The following KCNT2 variants were observed in gnomAD, a reference collection of about 807,000 sequenced individuals.
KCNT2 encodes the protein potassium channel subfamily T member 2.
In KCNT2, 67 loss-of-function variants were observed where a neutral mutation model predicts 153.8. That is an observed-to-expected ratio of 0.44 (90% confidence interval 0.36 to 0.53). The LOEUF is 0.53. KCNT2 is among the 20% of genes least tolerant of loss of function. The pLI is 0.00. For missense variants in KCNT2, 975 were observed against 1,354.8 expected (o/e 0.72, Z 4.40); for synonymous variants, 500 against 458.8 (o/e 1.09, Z -1.15).
At chr1:196,334,366 C>A (rs1664783387) in intron 16 of KCNT2, among the ~76,000 whole-genome samples, 1 of 151,138 alleles carries the variant, frequency 6.6e-6, no homozygotes, top group South Asian at 2.1e-4. Flanking sequence ...AAAAGTATAC[C>A]CTGATGTTTC....
rs1653517729 is a variant in KCNT2 at position 196,226,730 on chromosome 1, A to T, written c.*1494T>A. On this transcript the variant is annotated 3_prime_UTR_variant, in exon 28 of 28. Transcript: ENST00000294725. ...ACATTAGAATATCTTTTCTTTAAAAATTTTATTATCCTTTAAGTTGATCTG... is the reference window on the plus strand; with the variant it reads ...ACATTAGAATATCTTTTCTTTAAAATTTTTATTATCCTTTAAGTTGATCTG... 1.3e-5 allele frequency: 2 copies of T among 152,110 alleles called. No individual in the cohort carries two copies. The highest frequency in any genetic ancestry group is 6.5e-5 in the Admixed American group (1 of 15,288). 9.4% of individuals were successfully genotyped at this position (152,110 alleles called of 1,614,324 possible).
chr1:196,345,525 T>G (rs934676247), intron 14 of KCNT2, among the ~76,000 whole-genome samples: 5 of 152,174 alleles, frequency 3.3e-5, no homozygotes, highest in Admixed American at 3.3e-4. Flanking sequence ...TATAAATAAC[T>G]GTACTATGGC....
Position 196,423,222 on chromosome 1 carries a change from G to C in KCNT2, c.1122-109C>G. 3 of 612,136 alleles carry C rather than the reference G, an allele frequency of 4.9e-6. No individual in the cohort carries two copies. The South Asian group carries it at 7.5e-5, about 15-fold the overall frequency. The allele number at this position is 612,136 out of a possible 1,614,324, so 37.9% of individuals were successfully genotyped here. On this transcript the variant is annotated intron_variant, in intron 11 of 27. Coordinates refer to ENST00000294725, the MANE Select transcript of KCNT2 (RefSeq NM_198503.5). ...ATATATTGCACAAAATGTACATGTAGACCATGTATATCCTTAAGCTTAAAT... is the reference window on the plus strand; with the variant it reads ...ATATATTGCACAAAATGTACATGTACACCATGTATATCCTTAAGCTTAAAT...
intron 25 of KCNT2, among the ~76,000 whole-genome samples, chr1:196,275,940 T>C (rs551464841): frequency 1.3e-5 from 2 of 152,122 alleles, no homozygotes; most frequent in African/African-American, 4.8e-5. Flanking sequence ...AGTCAGAAAA[T>C]GTTATAGCTG....
intron 25 of KCNT2, 21 bp from the exon 26 acceptor site, chr1:196,258,515 G>C (rs1490436928): frequency 2.2e-6 from 3 of 1,334,700 alleles, no homozygotes; most frequent in Non-Finnish European, 3.1e-6. Context: ...AATAGATATT[G>C]ATAATTAGAT....
chr1:196,591,165 ATGAG>A (rs1487989139), intron 1 of KCNT2, among the ~76,000 whole-genome samples: 2 of 152,108 alleles, frequency 1.3e-5, no homozygotes, highest in Non-Finnish European at 2.9e-5. Flanking sequence ...CCTCACTGCA[ATGAG>A]TGAGTTCTCA....
intron 1 of KCNT2, among the ~76,000 whole-genome samples, chr1:196,556,873 C>G (rs994365118): frequency 3.3e-5 from 5 of 151,302 alleles, no homozygotes; most frequent in African/African-American, 1.2e-4. Context: ...TGAAATAAGC[C>G]AGGCACTGAA....
intron 16 of KCNT2, among the ~76,000 whole-genome samples, chr1:196,336,765 A>G (rs1405616741): frequency 6.6e-6 from 1 of 152,196 alleles, no homozygotes. Context: ...ACCTATCAGT[A>G]CTTGGCTTTC....
At chr1:196,506,550 T>C (rs1681162703) in intron 1 of KCNT2, among the ~76,000 whole-genome samples, 1 of 152,156 alleles carries the variant, frequency 6.6e-6, no homozygotes. Context: ...AACAGATCAC[T>C]TATCAAACAG....
At chr1:196,241,188 G>T (rs74133638) in intron 26 of KCNT2, among the ~76,000 whole-genome samples, 3,287 of 151,806 alleles carry the variant, frequency 0.022, 105 homozygotes, top group African/African-American at 0.075. Context: ...AGAGGGTTTT[G>T]TTTTGTTTTT....
Position 196,228,061 on chromosome 1 carries a change from A to G in KCNT2, c.*163T>C. 1 of 532,572 alleles carries G rather than the reference A, an allele frequency of 1.9e-6. No homozygotes were observed. Among genetic ancestry groups the G allele is most frequent in the Middle Eastern group, 4.7e-4 (1 of 2,112 alleles). The allele number at this position is 532,572 out of a possible 1,614,324, so 33.0% of individuals were successfully genotyped here. ...ATTAATAGGGAGAGTACCAGTAAGTAGTACATTAAGTTTCAAAATGATCTA... is the reference window on the plus strand; with the variant it reads ...ATTAATAGGGAGAGTACCAGTAAGTGGTACATTAAGTTTCAAAATGATCTA... On this transcript the variant is annotated 3_prime_UTR_variant, in exon 28 of 28. Transcript: ENST00000294725.
chr1:196,452,531 C>G (rs1220708231), intron 8 of KCNT2, among the ~76,000 whole-genome samples: 1 of 151,920 alleles, frequency 6.6e-6, no homozygotes, highest in African/African-American at 2.4e-5. Context: ...GCACTCAGCT[C>G]CATATCAGCT....
chr1:196,236,853 A>G (rs947666045), intron 26 of KCNT2, among the ~76,000 whole-genome samples: 2 of 151,598 alleles, frequency 1.3e-5, no homozygotes, highest in African/African-American at 4.8e-5. Flanking sequence ...AATTTTTTAG[A>G]TTTCAAGATT....
chr1:196,345,287 T>C (rs1040637553), intron 14 of KCNT2, among the ~76,000 whole-genome samples: 2 of 152,078 alleles, frequency 1.3e-5, no homozygotes, highest in Non-Finnish European at 2.9e-5. Context: ...AAAATGTAAA[T>C]AGTGTGACTA....
At chr1:196,357,137 AT>A (rs1393453092) in intron 14 of KCNT2, among the ~76,000 whole-genome samples, 2 of 151,784 alleles carry the variant, frequency 1.3e-5, no homozygotes, top group Non-Finnish European at 2.9e-5. Flanking sequence ...GAAGTTGTAA[AT>A]ATTGGTGTTT....
At chr1:196,563,066 C>T (rs944442619) in intron 1 of KCNT2, among the ~76,000 whole-genome samples, 1 of 151,892 alleles carries the variant, frequency 6.6e-6, no homozygotes, top group Non-Finnish European at 1.5e-5. Context: ...AGTAATTACT[C>T]TACGCCTTCA....
Position 196,474,586 on chromosome 1 carries a change from T to C in KCNT2, c.384+4593A>G, listed in dbSNP as rs1035598747. On this transcript the variant is annotated intron_variant, in intron 5 of 27. Coordinates refer to ENST00000294725, the MANE Select transcript of KCNT2 (RefSeq NM_198503.5). ...CTTTCAAAATTGTTGCTTTTTGTAA[T>C]GTGATTATGGAAAAAAAGAATTGCA... Among the ~76,000 whole-genome samples the C allele has an allele frequency of 3.3e-5, 5 of 152,146 alleles. No homozygotes were observed. In the East Asian group the frequency reaches 9.6e-4, roughly 29 times the overall value.
At chr1:196,483,276 C>T (rs1027712073) in intron 3 of KCNT2, among the ~76,000 whole-genome samples, 1 of 152,086 alleles carries the variant, frequency 6.6e-6, no homozygotes, top group Non-Finnish European at 1.5e-5. Flanking sequence ...TCAGTCATTA[C>T]AACAAAATAT....
At chr1:196,238,454 C>T (rs766517223) in intron 26 of KCNT2, among the ~76,000 whole-genome samples, 6 of 151,892 alleles carry the variant, frequency 4.0e-5, no homozygotes, top group East Asian at 3.9e-4. Flanking sequence ...CTTATCAAGA[C>T]GTAGAAAGCA....
Sources: gnomAD v4.1 joint callset for allele counts (sites outside exome capture counted in the v4.1 genomes callset) on GRCh38, gnomAD v4.1.1 for gene constraint, MANE v1.5 for transcripts, NCBI Gene and HGNC (gene_info 2026-07-23, HGNC 2026-07-21) for gene names.